The following NUP205 variants were observed in gnomAD, a reference collection of about 807,000 sequenced individuals.
The protein encoded by NUP205 is nuclear pore complex protein Nup205.
In NUP205, 76 loss-of-function variants were observed where a neutral mutation model predicts 253.8. That is an observed-to-expected ratio of 0.30 (90% confidence interval 0.25 to 0.36). The LOEUF (loss-of-function observed/expected upper bound fraction) is 0.36, where lower values mean the gene tolerates loss of function less well. Ranked by LOEUF, NUP205 falls within the 10% of genes least tolerant of loss-of-function variation. NUP205 has a pLI of 1.00. For synonymous variants in NUP205, 832 were observed against 850.1 expected, an observed-to-expected ratio of 0.98 and a Z score of 0.37; for missense variants, 2,162 against 2,425.5, an observed-to-expected ratio of 0.89 and a Z score of 2.28.
chr7:135,616,181 G>A (rs1239576353), intron 24 of NUP205, 116 bp downstream of exon 24: 1 of 937,678 alleles, frequency 1.1e-6, no homozygotes, highest in Non-Finnish European at 1.5e-6. Flanking sequence ...CTCACTTTTA[G>A]AATTTTTTTT....
intron 3 of NUP205, among the ~76,000 whole-genome samples, chr7:135,574,435 T>C (rs12707241): frequency 0.18 from 27,099 of 152,088 alleles, 3,071 homozygotes; most frequent in East Asian, 0.44. Flanking sequence ...AAGGCCTCTC[T>C]AAGATGGTGT....
intron 41 of NUP205, 29 bp from the exon 42 acceptor site, chr7:135,646,129 C>A: frequency 6.7e-7 from 1 of 1,492,938 alleles, no homozygotes; most frequent in Non-Finnish European, 9.3e-7. Context: ...ACTTGCACAG[C>A]CGGTATGACT....
At chr7:135,563,860 G>C (rs1055855700) in intron 1 of NUP205, among the ~76,000 whole-genome samples, 1 of 151,898 alleles carries the variant, frequency 6.6e-6, no homozygotes, top group African/African-American at 2.4e-5. Flanking sequence ...TGGTGCGCGT[G>C]CGCCTGTAAT....
chr7:135,583,840 CTTTCTTTT>C (rs763164030), intron 7 of NUP205, among the ~76,000 whole-genome samples: 2 of 148,182 alleles, frequency 1.3e-5, no homozygotes, highest in African/African-American at 4.9e-5. Context: ...TTCTTTCTTT[CTTTCTTTT>C]TTTTTTTTTT....
chr7:135,565,162 T>G (rs963315982), intron 1 of NUP205, among the ~76,000 whole-genome samples: 3 of 152,174 alleles, frequency 2.0e-5, no homozygotes, highest in African/African-American at 4.8e-5. Context: ...TTACACTAAA[T>G]ATGTATAGTA....
At chr7:135,591,891 AG>A (rs1806639603) in intron 11 of NUP205, among the ~76,000 whole-genome samples, 1 of 152,208 alleles carries the variant, frequency 6.6e-6, no homozygotes, top group African/African-American at 2.4e-5. Flanking sequence ...CCACAAAAAA[AG>A]CATATGCCCT....
At chr7:135,618,737 T>C (rs1794410398) in intron 28 of NUP205, 134 bp downstream of exon 28, 2 of 708,248 alleles carry the variant, frequency 2.8e-6, no homozygotes, top group Non-Finnish European at 4.6e-6. Flanking sequence ...GTTAAGACTT[T>C]CCTTGAGAAA....
At position 135,574,122 on chromosome 7, in the gene NUP205, G is replaced by A. The variant is rs184801145; in HGVS notation, c.343+297G>A. On this transcript the variant is annotated intron_variant, in intron 3 of 42. Transcript: ENST00000285968. ...CGAGTAGTTGAGATTACAGGCATGT[G>A]CCACCATGCCCGGCTATCCTTTCTT... 3.6e-4 allele frequency among the ~76,000 whole-genome samples: 55 copies of A among 152,170 alleles called. 1 individual carries two copies. The East Asian group carries it at 7.1e-3, about 20-fold the overall frequency.
intron 35 of NUP205, among the ~76,000 whole-genome samples, chr7:135,630,825 T>C (rs1794697134): frequency 6.6e-6 from 1 of 151,720 alleles, no homozygotes; most frequent in South Asian, 2.1e-4. Context: ...ACTTGGGAGG[T>C]TGAGGTAGGA....
intron 13 of NUP205, among the ~76,000 whole-genome samples, chr7:135,596,935 C>T (rs546363649): frequency 3.4e-5 from 5 of 146,892 alleles, no homozygotes; most frequent in Middle Eastern, 3.4e-3. Flanking sequence ...CCAGCTTGGC[C>T]GACAGAGTGA....
intron 24 of NUP205, 94 bp downstream of exon 24, chr7:135,616,159 C>G: frequency 3.7e-6 from 4 of 1,089,380 alleles, no homozygotes; most frequent in South Asian, 1.9e-5. Context: ...GACTATAGAC[C>G]AAAACTATCT....
At chr7:135,566,882 T>G (rs1374162730) in intron 1 of NUP205, among the ~76,000 whole-genome samples, 1 of 151,412 alleles carries the variant, frequency 6.6e-6, no homozygotes, top group Admixed American at 6.6e-5. Context: ...GGACTACAGG[T>G]GCGCACCACC....
chr7:135,632,235 G>T (rs73452468), intron 35 of NUP205, among the ~76,000 whole-genome samples: 5,798 of 152,248 alleles, frequency 0.038, 368 homozygotes, highest in African/African-American at 0.13. Context: ...TATTAAGCAT[G>T]TATGTGCCAG....
At position 135,617,261 on chromosome 7, in the gene NUP205, T is replaced by C. The variant is rs1439002073; in HGVS notation, c.3690+14T>C. ...TGCAATGTCAAGGTGAGGATTGCTT[T>C]AAAGTACATATCTGCAGTGTCAAGT... On this transcript the variant is annotated intron_variant, in intron 26 of 42. Transcript: ENST00000285968. 1.2e-6 allele frequency: 2 copies of C among 1,610,814 alleles called. No individual in the cohort carries two copies. The highest frequency in any genetic ancestry group is 2.7e-5 in the African/African-American group (2 of 74,794).
At chr7:135,558,168 T>C (rs1044529405) in intron 1 of NUP205, 196 bp downstream of exon 1, 6 of 615,880 alleles carry the variant, frequency 9.7e-6, no homozygotes, top group African/African-American at 1.8e-5. Context: ...AGCCCTCGAG[T>C]TGGGGTTTGA....
At chr7:135,580,981 T>A (rs1188669164) in intron 7 of NUP205, among the ~76,000 whole-genome samples, 1 of 152,114 alleles carries the variant, frequency 6.6e-6, no homozygotes, top group Non-Finnish European at 1.5e-5. Context: ...CTACTTAATC[T>A]CTTTGATTTT....
Position 135,617,240 on chromosome 7 carries a change from A to G in NUP205, c.3683A>G (p.Asn1228Ser), listed in dbSNP as rs762799862. The G allele has an allele frequency of 3.7e-6, 6 of 1,613,544 alleles. No individual in the cohort carries two copies. The highest frequency in any genetic ancestry group is 2.2e-5 in the South Asian group (2 of 90,970). The change falls in exon 26 of 43, where the codon AAT (asparagine) becomes AGT (serine). Residue 1228 changes from asparagine to serine, a missense_variant. Physicochemically the swap from Asn to Ser is conservative, Grantham distance 46. This residue lies in a region of NUP205 where 1,144 missense variants were observed against 1,280.9 expected (regional missense o/e 0.89). Transcript: ENST00000285968. ...HKNLRGQTVC[N>S]VKLLHRVLVA... ...AATTTACGGGGACAGACAGTCTGCA[A>G]TGTCAAGGTGAGGATTGCTTTAAAG...
chr7:135,591,621 G>A, intron 11 of NUP205, 21 bp downstream of exon 11: 1 of 1,602,616 alleles, frequency 6.2e-7, no homozygotes, highest in Non-Finnish European at 8.5e-7. Context: ...TGTGGATGTT[G>A]TTAAAGTTTG....
chr7:135,601,603 T>C, intron 17 of NUP205, 96 bp downstream of exon 17: 1 of 1,316,512 alleles, frequency 7.6e-7, no homozygotes, highest in Middle Eastern at 1.9e-4. Context: ...TGAAGTCATT[T>C]TTCACTGTAA....
Sources: allele counts gnomAD v4.1 joint callset (sites outside exome capture counted in the v4.1 genomes callset), GRCh38; gene constraint gnomAD v4.1.1; regional missense constraint gnomAD v4.1.1; transcripts MANE v1.5; gene names NCBI Gene and HGNC (gene_info 2026-07-23, HGNC 2026-07-21).